Variants in DNAAF1 observed in about 807,000 individuals in gnomAD.
DNAAF1 encodes the protein dynein axonemal assembly factor 1.
DNAAF1 carries 65 observed loss-of-function variants against 71.1 expected under a neutral mutation model. The observed-to-expected ratio is 0.91, with a 90% confidence interval of 0.75 to 1.12. The LOEUF is 1.12. DNAAF1 is among the 50% of genes most tolerant of loss of function. The probability of loss-of-function intolerance (pLI) is 0.00; values close to 1 mark genes in which losing one functional copy is unlikely to be tolerated. For missense variants in DNAAF1, 1,178 were observed against 899.8 expected, an observed-to-expected ratio of 1.31 and a Z score of -3.96; for synonymous variants, 414 against 354.6, an observed-to-expected ratio of 1.17 and a Z score of -1.88.
intron 5 of DNAAF1, among the ~76,000 whole-genome samples, chr16:84,157,131 C>T (rs1797855490): frequency 6.6e-6 from 1 of 151,954 alleles, no homozygotes; most frequent in African/African-American, 2.4e-5. Flanking sequence ...ACAGTGAAAC[C>T]TTTCTTTTTT....
At chr16:84,173,289 C>T (rs2088465212) in intron 9 of DNAAF1, 4 of 769,274 alleles carry the variant, frequency 5.2e-6, no homozygotes, top group Admixed American at 6.3e-5. Flanking sequence ...TGGTGAAAAC[C>T]CATCTCTACT....
At chr16:84,168,323 C>T (rs1190496060) in intron 7 of DNAAF1, among the ~76,000 whole-genome samples, 1 of 152,230 alleles carries the variant, frequency 6.6e-6, no homozygotes, top group African/African-American at 2.4e-5. Flanking sequence ...GCCTGGATAA[C>T]CCAGGACAAT....
rs1365675475 is a variant in DNAAF1 at position 84,150,267 on chromosome 16, C to G, written c.277C>G (p.Leu93Val). ...DRGPRMTKSS[L>V]QKLCKQHKLY... ...TTTTAACAGAATGACTAAAAGTTCC[C>G]TGCAAAAACTCTGCAAGCAGCACAA... The change falls in exon 3 of 12, where the codon CTG becomes GTG. Residue 93 changes from leucine to valine, a missense_variant. Leu to Val is a conservative substitution (Grantham distance 32). Transcript: ENST00000378553. 3.1e-6 allele frequency: 5 copies of G among 1,613,436 alleles called. No homozygotes were observed. Among genetic ancestry groups the G allele is most frequent in the Non-Finnish European group, 4.2e-6 (5 of 1,179,522 alleles).
intron 6 of DNAAF1, among the ~76,000 whole-genome samples, chr16:84,164,324 G>T (rs772070775): frequency 5.9e-5 from 9 of 152,152 alleles, no homozygotes; most frequent in South Asian, 2.1e-4. Flanking sequence ...CACTGTATGG[G>T]TTCGGACAAA....
chr16:84,167,542 C>A (rs1161439272), intron 7 of DNAAF1, among the ~76,000 whole-genome samples: 1 of 152,186 alleles, frequency 6.6e-6, no homozygotes, highest in East Asian at 1.9e-4. Flanking sequence ...GCCTGTCACT[C>A]TGGATGCAGG....
intron 6 of DNAAF1, 54 bp downstream of exon 6, chr16:84,159,850 C>T (rs901619120): frequency 1.3e-6 from 2 of 1,598,486 alleles, no homozygotes; most frequent in Non-Finnish European, 1.7e-6. Context: ...GTTGACCATG[C>T]TTAATATTAA....
intron 3 of DNAAF1, among the ~76,000 whole-genome samples, chr16:84,152,315 A>G (rs77981822): frequency 0.052 from 7,979 of 152,248 alleles, 646 homozygotes; most frequent in African/African-American, 0.18. Flanking sequence ...ACAAAAAATT[A>G]CAATGTAAGA....
intron 3 of DNAAF1, among the ~76,000 whole-genome samples, chr16:84,151,857 C>G (rs1052088283): frequency 1.3e-5 from 2 of 152,188 alleles, no homozygotes. Flanking sequence ...CATGAGCCTC[C>G]CCATGGCAGC....
chr16:84,174,577 G>T, intron 9 of DNAAF1, 92 bp from the exon 10 acceptor site: 1 of 1,610,598 alleles, frequency 6.2e-7, no homozygotes. Flanking sequence ...AACTAAGGCT[G>T]GGTTGACTGC....
intron 3 of DNAAF1, among the ~76,000 whole-genome samples, chr16:84,153,300 C>T (rs1389538247): frequency 6.6e-6 from 1 of 152,106 alleles, no homozygotes; most frequent in Non-Finnish European, 1.5e-5. Context: ...GGCTTAATAC[C>T]TAGGTGATGG....
At chr16:84,169,381 C>T (rs937832413) in intron 7 of DNAAF1, among the ~76,000 whole-genome samples, 1 of 151,804 alleles carries the variant, frequency 6.6e-6, no homozygotes. Context: ...CTACCATGCC[C>T]AGCGCCTCGA....
intron 7 of DNAAF1, 88 bp downstream of exon 7, chr16:84,166,037 ATT>A (rs58906103): frequency 0.046 from 48,958 of 1,056,566 alleles, 214 homozygotes; most frequent in South Asian, 0.079. Context: ...AATCTTGGGA[ATT>A]TTTTTTTTTT....
rs1179268659 is a variant in DNAAF1, at chr16:84,177,325, G to C, written c.2066-404G>C. 13 of 338,798 alleles carry C rather than the reference G, an allele frequency of 3.8e-5. 1 individual carries two copies. The highest frequency in any genetic ancestry group is 3.1e-4 in the South Asian group (13 of 42,312). The allele number at this position is 338,798 out of a possible 1,614,324, so 21.0% of individuals were successfully genotyped here. ...CAGTCTCGCACTGTGGCCTAGGCTG[G>C]AATGCAGTCATGTGATCTTGGCTCA... On this transcript the variant is annotated intron_variant, in intron 11 of 11. Transcript: ENST00000378553.
intron 6 of DNAAF1, among the ~76,000 whole-genome samples, chr16:84,160,737 A>G (rs1357833051): frequency 6.6e-6 from 1 of 151,572 alleles, no homozygotes; most frequent in Non-Finnish European, 1.5e-5. Context: ...GATCGAGACC[A>G]CCCTGGCTAA....
At chr16:84,164,459 T>C (rs1300341566) in intron 6 of DNAAF1, among the ~76,000 whole-genome samples, 1 of 152,168 alleles carries the variant, frequency 6.6e-6, no homozygotes, top group Non-Finnish European at 1.5e-5. Context: ...AACACTGATC[T>C]TTTTGCTGTC....
At chr16:84,160,760 G>A (rs768193362) in intron 6 of DNAAF1, among the ~76,000 whole-genome samples, 24 of 151,398 alleles carry the variant, frequency 1.6e-4, no homozygotes, top group African/African-American at 5.3e-4. Context: ...CGGTGAAACC[G>A]CGTCGCTACT....
rs370600493 is a variant in DNAAF1, at chr16:84,174,662, C to T, written c.1645-7C>T. The T allele has an allele frequency of 6.2e-6, 10 of 1,614,048 alleles. No individual in the cohort carries two copies. The highest frequency in any genetic ancestry group is 8.5e-6 in the Non-Finnish European group (10 of 1,180,034). On this transcript the variant is annotated splice_polypyrimidine_tract_variant and splice_region_variant and intron_variant, in intron 9 of 11. Coordinates refer to ENST00000378553, the MANE Select transcript of DNAAF1 (RefSeq NM_178452.6). ...CCTGGTGATGTGCGGCTCACTTGCT[C>T]TTTCAGGACCTACCTGACTTGGAAG...
At position 84,146,652 on chromosome 16, in the gene DNAAF1, G is replaced by C. The variant is rs117155869; in HGVS notation, c.124+1088G>C. On this transcript the variant is annotated intron_variant, in intron 1 of 11. Coordinates refer to ENST00000378553, the MANE Select transcript of DNAAF1 (RefSeq NM_178452.6). Reference sequence around the variant, plus strand: ...GAATTCCCTGAACCCCGGAGGCAGAGGTTGCAGTGAGCCAAGGGGGAGGCT... The same window carrying C: ...GAATTCCCTGAACCCCGGAGGCAGACGTTGCAGTGAGCCAAGGGGGAGGCT... Among the ~76,000 whole-genome samples the C allele has an allele frequency of 1.4e-3, 220 of 152,212 alleles. 8 individuals carry two copies. In the East Asian group the frequency reaches 0.038, roughly 26 times the overall value.
chr16:84,164,845 A>C (rs942577901), intron 6 of DNAAF1, among the ~76,000 whole-genome samples: 8 of 152,150 alleles, frequency 5.3e-5, no homozygotes, highest in Non-Finnish European at 1.2e-4. Context: ...CCGCCACACC[A>C]TTTTCCAAAG....
Sources: allele counts gnomAD v4.1 joint callset (sites outside exome capture counted in the v4.1 genomes callset), GRCh38; gene constraint gnomAD v4.1.1; transcripts MANE v1.5; gene names NCBI Gene and HGNC (gene_info 2026-07-23, HGNC 2026-07-21).